The following INPP4B variants were observed in gnomAD, a reference collection of about 807,000 sequenced individuals.
INPP4B encodes inositol polyphosphate 4-phosphatase type II.
In INPP4B, 55 loss-of-function variants were observed where a neutral mutation model predicts 122.5. The observed-to-expected ratio is 0.45, with a 90% confidence interval of 0.36 to 0.56. INPP4B has a LOEUF of 0.56. Ranked by LOEUF, INPP4B falls within the 20% of genes least tolerant of loss-of-function variation. INPP4B has a pLI of 0.00. For missense variants in INPP4B, 1,000 were observed against 1,097.7 expected, an observed-to-expected ratio of 0.91 and a Z score of 1.26; for synonymous variants, 403 against 388.7, an observed-to-expected ratio of 1.04 and a Z score of -0.43.
At chr4:142,604,743 T>A (rs1276124733) in intron 2 of INPP4B, among the ~76,000 whole-genome samples, 1 of 151,990 alleles carries the variant, frequency 6.6e-6, no homozygotes, top group African/African-American at 2.4e-5. Context: ...TAGAAAGACA[T>A]CCCATGCTCA....
chr4:142,560,113 C>G (rs933412022), intron 2 of INPP4B, among the ~76,000 whole-genome samples: 17 of 152,128 alleles, frequency 1.1e-4, no homozygotes, highest in African/African-American at 3.9e-4. Context: ...GGGGGTTTAT[C>G]AAGACATGTT....
intron 2 of INPP4B, among the ~76,000 whole-genome samples, chr4:142,507,071 C>T (rs1013411789): frequency 6.6e-6 from 1 of 152,156 alleles, no homozygotes; most frequent in African/African-American, 2.4e-5. Flanking sequence ...TTCCATGATC[C>T]TGCTACCATA....
chr4:142,151,954 T>C (rs146731733), intron 17 of INPP4B, among the ~76,000 whole-genome samples: 1 of 152,146 alleles, frequency 6.6e-6, no homozygotes, highest in African/African-American at 2.4e-5. Flanking sequence ...CTTTTATACC[T>C]AGAATACTTT....
intron 25 of INPP4B, among the ~76,000 whole-genome samples, chr4:142,056,373 A>G (rs1757714194): frequency 6.6e-6 from 1 of 152,176 alleles, no homozygotes; most frequent in Non-Finnish European, 1.5e-5. Flanking sequence ...AATCTGACTT[A>G]AAAAGGAATT....
chr4:142,640,163 T>A (rs1750076175), intron 2 of INPP4B, among the ~76,000 whole-genome samples: 2 of 152,098 alleles, frequency 1.3e-5, no homozygotes, highest in Admixed American at 6.6e-5. Flanking sequence ...GCAATCTTAA[T>A]AAGAGCACTA....
At chr4:142,152,495 C>T (rs982719748) in intron 17 of INPP4B, among the ~76,000 whole-genome samples, 2 of 152,064 alleles carry the variant, frequency 1.3e-5, no homozygotes, top group Non-Finnish European at 2.9e-5. Context: ...AGAATGGATA[C>T]AGGAATAAAA....
rs185942551 is a variant in INPP4B at position 142,807,361 on chromosome 4, T to C, written c.-254+38848A>G. On this transcript the variant is annotated intron_variant, in intron 1 of 25. Coordinates refer to ENST00000262992, the MANE Select transcript of INPP4B (RefSeq NM_001101669.3). ...GGACGAGATTGCATGTGCAAACTAATAAATGTGTAAAGTAGCACAAAGATG... is the reference window on the plus strand; with the variant it reads ...GGACGAGATTGCATGTGCAAACTAACAAATGTGTAAAGTAGCACAAAGATG... Among the ~76,000 whole-genome samples, 71 of 152,258 alleles carry C rather than the reference T, an allele frequency of 4.7e-4. No homozygotes were observed. The East Asian group carries it at 0.01, about 22-fold the overall frequency.
chr4:142,338,956 G>A (rs116370525), intron 7 of INPP4B, among the ~76,000 whole-genome samples: 1,602 of 151,870 alleles, frequency 0.011, 33 homozygotes, highest in African/African-American at 0.037. Context: ...AGAGGGTCCA[G>A]GAGGGGAGAA....
At chr4:142,069,841 A>G (rs1390981359) in intron 25 of INPP4B, among the ~76,000 whole-genome samples, 2 of 152,186 alleles carry the variant, frequency 1.3e-5, no homozygotes, top group Non-Finnish European at 2.9e-5. Flanking sequence ...GGAAATAATT[A>G]ATAGCCTACC....
intron 2 of INPP4B, among the ~76,000 whole-genome samples, chr4:142,687,479 T>A (rs2150707849): frequency 6.6e-6 from 1 of 150,676 alleles, no homozygotes; most frequent in Non-Finnish European, 1.5e-5. Flanking sequence ...GGCTTTAAAC[T>A]TTCTGGGATT....
intron 7 of INPP4B, among the ~76,000 whole-genome samples, chr4:142,398,401 A>AAAAT (rs1800278058): frequency 3.5e-5 from 1 of 28,512 alleles, no homozygotes; most frequent in African/African-American, 1.2e-4. Context: ...AAAAAAAAAA[A>AAAAT]ATATATATAT....
intron 9 of INPP4B, among the ~76,000 whole-genome samples, chr4:142,284,402 T>C (rs1331749972): frequency 1.3e-5 from 2 of 152,106 alleles, no homozygotes; most frequent in African/African-American, 4.8e-5. Flanking sequence ...GAGTTGACTT[T>C]AGAAACGAAA....
chr4:142,165,187 T>G (rs986917726), intron 16 of INPP4B, among the ~76,000 whole-genome samples: 1 of 151,646 alleles, frequency 6.6e-6, no homozygotes, highest in African/African-American at 2.4e-5. Context: ...TTGTTGTTGT[T>G]CTTTAATTTT....
At chr4:142,088,558 G>A (rs1370488627) in intron 23 of INPP4B, among the ~76,000 whole-genome samples, 1 of 152,024 alleles carries the variant, frequency 6.6e-6, no homozygotes, top group Non-Finnish European at 1.5e-5. Flanking sequence ...GCTTCTCTTG[G>A]CATATGTATA....
Position 142,345,604 on chromosome 4 carries a change from A to G in INPP4B, c.373-30842T>C, listed in dbSNP as rs564785550. 3.3e-5 allele frequency among the ~76,000 whole-genome samples: 5 copies of G among 152,176 alleles called. No homozygotes were observed. The South Asian group carries it at 1.0e-3, about 31-fold the overall frequency. On this transcript the variant is annotated intron_variant, in intron 7 of 25. Coordinates refer to ENST00000262992, the MANE Select transcript of INPP4B (RefSeq NM_001101669.3). ...TTGGTGGGAAACCAAAACATGGATT[A>G]TAGCACATTAATTAGAGAGCGTAGT...
intron 17 of INPP4B, among the ~76,000 whole-genome samples, chr4:142,149,402 G>T (rs1812567752): frequency 6.6e-6 from 1 of 152,176 alleles, no homozygotes; most frequent in Non-Finnish European, 1.5e-5. Flanking sequence ...GAGATAAAGA[G>T]AATTCTGGTA....
At chr4:142,277,947 T>C (rs1177345941) in intron 9 of INPP4B, among the ~76,000 whole-genome samples, 1 of 151,760 alleles carries the variant, frequency 6.6e-6, no homozygotes, top group East Asian at 1.9e-4. Flanking sequence ...AGATTATACA[T>C]TGGGTACAGT....
chr4:142,078,747 G>C (rs1034596968), intron 25 of INPP4B, among the ~76,000 whole-genome samples: 5 of 151,998 alleles, frequency 3.3e-5, no homozygotes, highest in African/African-American at 1.2e-4. Flanking sequence ...TAAATAAAGA[G>C]TGATATGATA....
chr4:142,351,872 A>G (rs1419026635), intron 7 of INPP4B, among the ~76,000 whole-genome samples: 4 of 152,040 alleles, frequency 2.6e-5, no homozygotes, highest in Admixed American at 6.6e-5. Context: ...ATGTGAGCAC[A>G]TTGAAGAATG....
Sources: gnomAD v4.1 joint callset for allele counts (sites outside exome capture counted in the v4.1 genomes callset) on GRCh38, gnomAD v4.1.1 for gene constraint, MANE v1.5 for transcripts, NCBI Gene and HGNC (gene_info 2026-07-23, HGNC 2026-07-21) for gene names.